LRRC4C: variants seen among roughly 807,000 people sequenced by gnomAD.
LRRC4C encodes leucine-rich repeat-containing protein 4C.
Under a neutral mutation model 33.6 loss-of-function variants are expected in LRRC4C, and 5 were observed. That is an observed-to-expected ratio of 0.15 (90% confidence interval 0.08 to 0.31). The LOEUF (loss-of-function observed/expected upper bound fraction) is 0.31. Among genes scored for constraint, LRRC4C ranks in the 10% least tolerant of loss-of-function variants. The pLI, the probability that LRRC4C is intolerant of heterozygous loss-of-function variation, is 1.00. For synonymous variants in LRRC4C, 329 were observed against 302.0 expected (o/e 1.09, Z -0.93); for missense variants, 560 against 796.7 (o/e 0.70, Z 3.58).
chr11:40,951,850 A>C (rs1236956653), intron 1 of LRRC4C, among the ~76,000 whole-genome samples: 1 of 151,932 alleles, frequency 6.6e-6, no homozygotes, highest in African/African-American at 2.4e-5. Flanking sequence ...AGTTTCTGGA[A>C]GTTTATTCTC....
intron 1 of LRRC4C, among the ~76,000 whole-genome samples, chr11:41,042,024 C>A (rs888489491): frequency 1.3e-5 from 2 of 152,108 alleles, no homozygotes; most frequent in Admixed American, 6.6e-5. Context: ...TAGCACAGAT[C>A]TCTAAATTAA....
chr11:40,948,501 A>G (rs995522054), intron 1 of LRRC4C, among the ~76,000 whole-genome samples: 4 of 136,504 alleles, frequency 2.9e-5, no homozygotes, highest in East Asian at 4.8e-4. Flanking sequence ...ATATCTCCCA[A>G]TGCTATCCCT....
intron 1 of LRRC4C, among the ~76,000 whole-genome samples, chr11:41,438,038 C>CAAGT (rs1555171610): frequency 6.1e-5 from 4 of 65,642 alleles, no homozygotes; most frequent in African/African-American, 1.8e-4. Context: ...AACTCCATCT[C>CAAGT]AAATAAATAA....
chr11:40,402,050 C>T (rs964627718), intron 3 of LRRC4C, among the ~76,000 whole-genome samples: 8 of 151,864 alleles, frequency 5.3e-5, no homozygotes, highest in Admixed American at 2.0e-4. Context: ...ACAATAGGTG[C>T]GAGAGTTTCA....
intron 5 of LRRC4C, among the ~76,000 whole-genome samples, chr11:40,176,259 A>T (rs771893741): frequency 1.3e-5 from 2 of 152,134 alleles, no homozygotes; most frequent in Non-Finnish European, 2.9e-5. Context: ...ATGAAGATAG[A>T]ACGCGGCATT....
intron 1 of LRRC4C, among the ~76,000 whole-genome samples, chr11:41,195,796 C>T (rs144940230): frequency 6.6e-5 from 10 of 151,884 alleles, no homozygotes; most frequent in African/African-American, 2.4e-4. Context: ...TTTAAGTTTC[C>T]TTTATTGTGT....
chr11:40,160,177 G>T (rs983201633), intron 5 of LRRC4C, among the ~76,000 whole-genome samples: 5 of 149,690 alleles, frequency 3.3e-5, no homozygotes, highest in Admixed American at 6.8e-5. Flanking sequence ...GAGTTGCGAA[G>T]ATTTTTTTTT....
rs903878104 is a variant in LRRC4C, at chr11:41,257,943, C to T, written c.-496+201488G>A. Reference sequence around the variant, plus strand: ...TTTTTCTTTTCCTGTATCTATAAATCCATTTTTTCATGGTGTGTTTGCGTG... The same window carrying T: ...TTTTTCTTTTCCTGTATCTATAAATTCATTTTTTCATGGTGTGTTTGCGTG... On this transcript the variant is annotated intron_variant, in intron 1 of 6. Coordinates refer to ENST00000528697, the MANE Select transcript of LRRC4C (RefSeq NM_001258419.2). Among the ~76,000 whole-genome samples, 4 of 151,806 alleles carry T rather than the reference C, an allele frequency of 2.6e-5. No individual in the cohort carries two copies. In the South Asian group the frequency reaches 6.2e-4, roughly 24 times the overall value.
intron 3 of LRRC4C, among the ~76,000 whole-genome samples, chr11:40,388,702 T>C (rs1949212873): frequency 1.3e-5 from 2 of 152,200 alleles, no homozygotes; most frequent in Admixed American, 1.3e-4. Flanking sequence ...CTGAGCTAGA[T>C]GGAAGGAATC....
chr11:40,640,241 G>C (rs1942027115), intron 3 of LRRC4C, among the ~76,000 whole-genome samples: 1 of 152,006 alleles, frequency 6.6e-6, no homozygotes, highest in Admixed American at 6.6e-5. Context: ...GCTTAGCTTT[G>C]AAAATAAAAT....
chr11:40,480,557 C>T (rs1160210987), intron 3 of LRRC4C, among the ~76,000 whole-genome samples: 1 of 151,752 alleles, frequency 6.6e-6, no homozygotes, highest in East Asian at 1.9e-4. Context: ...ATAATCTGGA[C>T]ACTAAACCCC....
At chr11:40,688,915 A>G (rs1363296947) in intron 2 of LRRC4C, among the ~76,000 whole-genome samples, 2 of 152,118 alleles carry the variant, frequency 1.3e-5, no homozygotes, top group Non-Finnish European at 1.5e-5. Context: ...AGGTTACAGC[A>G]TGTACTTCAC....
intron 1 of LRRC4C, among the ~76,000 whole-genome samples, chr11:41,050,356 A>G (rs1590357224): frequency 6.6e-6 from 1 of 152,260 alleles, no homozygotes; most frequent in South Asian, 2.1e-4. Context: ...GTAGCTATAC[A>G]TGGGTGGTTT....
intron 2 of LRRC4C, among the ~76,000 whole-genome samples, chr11:40,869,924 G>A (rs1211347029): frequency 6.6e-6 from 1 of 151,984 alleles, no homozygotes; most frequent in Non-Finnish European, 1.5e-5. Flanking sequence ...TCTGCCTTAG[G>A]CCCCTCAGTC....
At chr11:40,591,324 G>T (rs368841383) in intron 3 of LRRC4C, among the ~76,000 whole-genome samples, 2 of 152,100 alleles carry the variant, frequency 1.3e-5, no homozygotes, top group Non-Finnish European at 2.9e-5. Flanking sequence ...GCAATGCCTC[G>T]CCCTGCTTCA....
intron 3 of LRRC4C, among the ~76,000 whole-genome samples, chr11:40,612,877 G>T (rs1961373485): frequency 1.3e-5 from 2 of 151,812 alleles, no homozygotes; most frequent in South Asian, 4.1e-4. Context: ...ACACAATTTT[G>T]TTTTGGTTTC....
At chr11:40,357,687 C>T (rs1043237839) in intron 3 of LRRC4C, among the ~76,000 whole-genome samples, 1 of 152,160 alleles carries the variant, frequency 6.6e-6, no homozygotes, top group Non-Finnish European at 1.5e-5. Context: ...CTCTCTCTCT[C>T]TCTCATATGC....
chr11:40,642,668 C>T (rs1942196484), intron 3 of LRRC4C, among the ~76,000 whole-genome samples: 1 of 152,190 alleles, frequency 6.6e-6, no homozygotes, highest in South Asian at 2.1e-4. Context: ...ACATTTAACA[C>T]ACAGATCAAT....
intron 1 of LRRC4C, among the ~76,000 whole-genome samples, chr11:41,197,979 C>T (rs1946251804): frequency 6.6e-6 from 1 of 151,878 alleles, no homozygotes; most frequent in African/African-American, 2.4e-5. Context: ...TCACCATCAC[C>T]ATCATTGTAA....
Sources: gnomAD v4.1 joint callset for allele counts (sites outside exome capture counted in the v4.1 genomes callset) on GRCh38, gnomAD v4.1.1 for gene constraint, MANE v1.5 for transcripts, NCBI Gene and HGNC (gene_info 2026-07-23, HGNC 2026-07-21) for gene names.